The following DNAJB13 variants were observed in gnomAD, a reference collection of about 807,000 sequenced individuals.
The protein encoded by DNAJB13 is dnaJ homolog subfamily B member 13.
A neutral mutation model predicts 35.6 loss-of-function variants in DNAJB13; 22 were observed. The ratio of observed to expected loss-of-function variants is 0.62; its 90% CI spans 0.44 to 0.88. The LOEUF is 0.88. DNAJB13 is among the 40% of genes least tolerant of loss of function. The pLI is 0.00. For synonymous variants in DNAJB13, 136 were observed against 144.2 expected (o/e 0.94, Z 0.41); for missense variants, 370 against 384.3 (o/e 0.96, Z 0.31).
At chr11:73,955,760 C>T (rs1484372051) in intron 1 of DNAJB13, among the ~76,000 whole-genome samples, 1 of 152,150 alleles carries the variant, frequency 6.6e-6, no homozygotes, top group East Asian at 1.9e-4. Flanking sequence ...CAGATCGCGC[C>T]ACTGCACTCC....
At chr11:73,962,701 G>A (rs115641599) in intron 3 of DNAJB13, among the ~76,000 whole-genome samples, 1,940 of 152,226 alleles carry the variant, frequency 0.013, 35 homozygotes, top group African/African-American at 0.045. Flanking sequence ...CTATACTTCA[G>A]CCTTTCTGAA....
chr11:73,968,488 G>A, intron 6 of DNAJB13, 30 bp downstream of exon 6: 1 of 1,587,642 alleles, frequency 6.3e-7, no homozygotes, highest in Non-Finnish European at 8.6e-7. Flanking sequence ...GAGCAGCGGG[G>A]AGGAGATCAG....
intron 1 of DNAJB13, among the ~76,000 whole-genome samples, chr11:73,957,881 G>A (rs1297987798): frequency 1.3e-5 from 2 of 152,150 alleles, no homozygotes; most frequent in Admixed American, 1.3e-4. Context: ...GCAGGGGCGC[G>A]CACAGTACAG....
intron 3 of DNAJB13, 28 bp from the exon 4 acceptor site, chr11:73,964,848 TTC>T: frequency 6.3e-7 from 1 of 1,590,406 alleles, no homozygotes; most frequent in Non-Finnish European, 8.6e-7. Context: ...TGGATACAAT[TTC>T]TCTTACTCCT....
At chr11:73,966,075 A>G in intron 4 of DNAJB13, 63 bp from the exon 5 acceptor site, 6 of 1,463,270 alleles carry the variant, frequency 4.1e-6, no homozygotes, top group Non-Finnish European at 5.7e-6. Context: ...AAATCTGAGC[A>G]AATCTCGACT....
At chr11:73,953,936 G>A (rs1023442885) in intron 1 of DNAJB13, among the ~76,000 whole-genome samples, 3 of 150,182 alleles carry the variant, frequency 2.0e-5, no homozygotes, top group Non-Finnish European at 4.4e-5. Context: ...TACAGTGAGC[G>A]AGATTGCGCC....
In DNAJB13 at chr11:73,964,955, C is replaced by A. The variant is rs1398252512; in HGVS notation, c.412C>A (p.Pro138Thr). Residue 138 changes from proline (P) to threonine (T), a missense_variant, in exon 4 of 8, where the codon CCC (proline) becomes ACC (threonine). Pro to Thr is a conservative substitution (Grantham distance 38). Coordinates refer to ENST00000339764, the MANE Select transcript of DNAJB13 (RefSeq NM_153614.4). ...LQGRGVKKQDPQVERDLYLSL... is the reference protein window; with the variant it reads ...LQGRGVKKQDTQVERDLYLSL... ...GGGCCGAGGGGTCAAGAAGCAGGAC[C>A]CCCAAGTCGAACGGGATCTCTACCT... 1 of 1,612,896 alleles carries A rather than the reference C, an allele frequency of 6.2e-7. No individual in the cohort carries two copies. Among genetic ancestry groups the A allele is most frequent in the Non-Finnish European group, 8.5e-7 (1 of 1,179,832 alleles).
At position 73,959,682 on chromosome 11, in the gene DNAJB13, C is replaced by T. The variant is rs377121482; in HGVS notation, c.334+27C>T. 30 of 1,602,778 alleles carry T rather than the reference C, an allele frequency of 1.9e-5. No homozygotes were observed. In the African/African-American group the frequency reaches 3.8e-4, roughly 20 times the overall value. On this transcript the variant is annotated intron_variant, in intron 3 of 7. Coordinates refer to ENST00000339764, the MANE Select transcript of DNAJB13 (RefSeq NM_153614.4). Reference sequence around the variant, plus strand: ...TAAGAGGTCTTCCTCCCCCACCTTGCCTTATAGAGAAAGGACACTGCTATA... The same window carrying T: ...TAAGAGGTCTTCCTCCCCCACCTTGTCTTATAGAGAAAGGACACTGCTATA...
rs750446213 is a variant in DNAJB13 at position 73,964,810 on chromosome 11, TGTGC to T, written c.335-66_335-63del. On this transcript the variant is annotated intron_variant, in intron 3 of 7. Transcript: ENST00000339764. ...GTGTGTGTGTGTGTGTGTGTGTGTG[TGTGC>T]GCGCGCGCGCATGTCTGGGTCTCTG... is the stretch of plus-strand genomic sequence containing the variant. 1,274 of 704,480 alleles carry T rather than the reference TGTGC, an allele frequency of 1.8e-3. 3 individuals carry two copies. The highest frequency in any genetic ancestry group is 0.011 in the African/African-American group (497 of 44,578). 43.6% of individuals were successfully genotyped at this position (704,480 alleles called of 1,614,324 possible). A position where few individuals can be genotyped will look rare whatever the true frequency, so the allele number is the denominator to read the frequency against.
intron 6 of DNAJB13, 91 bp downstream of exon 6, chr11:73,968,549 C>T: frequency 9.7e-7 from 1 of 1,033,128 alleles, no homozygotes; most frequent in Admixed American, 2.2e-5. Context: ...CCCACAACCA[C>T]CTGCCATCAG....
rs550520911 is a variant in DNAJB13 at position 73,965,289 on chromosome 11, C to CT, written c.492+257dup. 223 of 353,698 alleles carry CT rather than the reference C, an allele frequency of 6.3e-4. 3 individuals carry two copies. In the South Asian group the frequency reaches 0.011, roughly 18 times the overall value. The allele number at this position is 353,698 out of a possible 1,614,324, so 21.9% of individuals were successfully genotyped here. ...CAACTGGGACAGGCTCTTTCCCTTC[C>CT]TTTCTTTCAGTTCAGCCCCATCCCC... On this transcript the variant is annotated intron_variant, in intron 4 of 7. Coordinates refer to ENST00000339764, the MANE Select transcript of DNAJB13 (RefSeq NM_153614.4).
At chr11:73,960,512 G>A (rs1309364977) in intron 3 of DNAJB13, among the ~76,000 whole-genome samples, 1 of 150,926 alleles carries the variant, frequency 6.6e-6, no homozygotes, top group African/African-American at 2.4e-5. Context: ...AGTAGAGACA[G>A]GGTTTCGCCA....
Position 73,970,247 on chromosome 11 carries a change from A to C in DNAJB13, c.*133A>C, listed in dbSNP as rs956990333. ...CAAGGGTGGGATGGCGCAGGGCTTAAACTGACATAATAAAGATCTATTTCC... is the reference window on the plus strand; with the variant it reads ...CAAGGGTGGGATGGCGCAGGGCTTACACTGACATAATAAAGATCTATTTCC... On this transcript the variant is annotated 3_prime_UTR_variant, in exon 8 of 8. Coordinates refer to ENST00000339764, the MANE Select transcript of DNAJB13 (RefSeq NM_153614.4). 3.9e-5 allele frequency: 45 copies of C among 1,151,452 alleles called. No individual in the cohort carries two copies. In the African/African-American group the frequency reaches 7.1e-4, roughly 18 times the overall value. The allele number at this position is 1,151,452 out of a possible 1,614,324, so 71.3% of individuals were successfully genotyped here. A position where few individuals can be genotyped will look rare whatever the true frequency, so the allele number is the denominator to read the frequency against.
intron 3 of DNAJB13, among the ~76,000 whole-genome samples, chr11:73,960,951 G>A (rs553960626): frequency 9.9e-4 from 150 of 152,274 alleles, no homozygotes; most frequent in African/African-American, 3.4e-3. Flanking sequence ...TTTTAGCCAC[G>A]TGAAGCAGAA....
intron 4 of DNAJB13, chr11:73,965,493 C>T (rs777218834): frequency 6.1e-6 from 1 of 162,976 alleles, no homozygotes; most frequent in Non-Finnish European, 1.3e-5. Context: ...GGAAGACCCT[C>T]AGTGCCTCAT....
intron 3 of DNAJB13, among the ~76,000 whole-genome samples, chr11:73,962,740 G>A (rs1950969226): frequency 6.6e-6 from 1 of 151,934 alleles, no homozygotes; most frequent in African/African-American, 2.4e-5. Flanking sequence ...TCTCTTTTCT[G>A]TGCCAATATG....
intron 1 of DNAJB13, among the ~76,000 whole-genome samples, chr11:73,957,919 G>C (rs7114235): frequency 0.044 from 6,696 of 151,902 alleles, 207 homozygotes; most frequent in Middle Eastern, 0.1. Context: ...GAGACAGGGA[G>C]GGGAGGAAGG....
At chr11:73,963,293 C>T (rs949398503) in intron 3 of DNAJB13, among the ~76,000 whole-genome samples, 3 of 150,744 alleles carry the variant, frequency 2.0e-5, no homozygotes, top group Non-Finnish European at 2.9e-5. Flanking sequence ...TGTGGTGAGC[C>T]GAGATTGCGC....
chr11:73,969,835 C>A, intron 7 of DNAJB13, 126 bp from the exon 8 acceptor site: 1 of 1,292,580 alleles, frequency 7.7e-7, no homozygotes, highest in Non-Finnish European at 1.1e-6. Flanking sequence ...CTAAGAACCA[C>A]TCCAGGTGAA....
Sources: allele counts gnomAD v4.1 joint callset (sites outside exome capture counted in the v4.1 genomes callset), GRCh38; gene constraint gnomAD v4.1.1; transcripts MANE v1.5; gene names NCBI Gene and HGNC (gene_info 2026-07-23, HGNC 2026-07-21).